FREM1: variants seen among roughly 807,000 people sequenced by gnomAD.
FREM1 encodes FRAS1 related extracellular matrix 1.
Under a neutral mutation model 210.1 loss-of-function variants are expected in FREM1, and 220 were observed. That is an observed-to-expected ratio of 1.05 (90% CI 0.94 to 1.17). FREM1 has a LOEUF of 1.17. FREM1 is among the 50% of genes most tolerant of loss of function. FREM1 has a pLI of 0.00. For missense variants in FREM1, 3,454 were observed against 2,675.5 expected (o/e 1.29, Z -6.42); for synonymous variants, 1,189 against 980.2 (o/e 1.21, Z -3.98).
rs1352400736 is a variant in FREM1, at chr9:14,816,810, T to G, written c.2608A>C (p.Thr870Pro). The G allele has an allele frequency of 2.8e-6, 4 of 1,440,314 alleles. No individual in the cohort carries two copies. Among genetic ancestry groups the G allele is most frequent in the Non-Finnish European group, 3.7e-6 (4 of 1,069,120 alleles). 89.2% of individuals were successfully genotyped at this position (1,440,314 alleles called of 1,614,324 possible). ...DDLLLEVTDGTNSAEFVLHVE... is the reference protein window; with the variant it reads ...DDLLLEVTDGPNSAEFVLHVE... ...TGTAGTACAAATTCTGCTGAATTTG[T>G]GCCATCGGTGACCTCCAAGAGTAGG... Residue 870 changes from threonine (T) to proline (P), a missense_variant, in exon 15 of 37, where the codon ACA becomes CCA. Transcript: ENST00000380880.
intron 25 of FREM1, among the ~76,000 whole-genome samples, chr9:14,771,212 A>T (rs1325048152): frequency 6.6e-6 from 1 of 152,208 alleles, no homozygotes; most frequent in African/African-American, 2.4e-5. Context: ...AGCAGACTTC[A>T]TGTTAACTCC....
intron 21 of FREM1, 117 bp downstream of exon 21, chr9:14,797,381 T>C (rs1852624433): frequency 1.4e-6 from 1 of 717,030 alleles, no homozygotes; most frequent in Admixed American, 3.6e-5. Flanking sequence ...GGGCAAGCTG[T>C]GACAGGAGCT....
intron 5 of FREM1, among the ~76,000 whole-genome samples, chr9:14,853,699 G>A (rs1215962815): frequency 6.6e-6 from 1 of 152,180 alleles, no homozygotes; most frequent in Admixed American, 6.5e-5. Flanking sequence ...GAATAGAGGA[G>A]AAGACAATCA....
intron 7 of FREM1, among the ~76,000 whole-genome samples, chr9:14,846,743 G>C (rs948334905): frequency 1.3e-5 from 2 of 152,138 alleles, no homozygotes; most frequent in Non-Finnish European, 2.9e-5. Context: ...TCCTGAAAGG[G>C]AGCAGAGCAA....
intron 1 of FREM1, among the ~76,000 whole-genome samples, chr9:14,894,640 T>C (rs1837391236): frequency 6.6e-6 from 1 of 152,208 alleles, no homozygotes; most frequent in Non-Finnish European, 1.5e-5. Flanking sequence ...GTGCTAATCC[T>C]TTGTTTTGTT....
chr9:14,860,828 T>C (rs1201889191), intron 3 of FREM1, among the ~76,000 whole-genome samples: 2 of 124,020 alleles, frequency 1.6e-5, no homozygotes, highest in Non-Finnish European at 3.2e-5. Flanking sequence ...CATATATACA[T>C]ATATACGTAT....
At chr9:14,767,247 A>G (rs1030059551) in intron 27 of FREM1, among the ~76,000 whole-genome samples, 3 of 152,198 alleles carry the variant, frequency 2.0e-5, no homozygotes, top group Non-Finnish European at 2.9e-5. Flanking sequence ...TATAATGTAC[A>G]TGTTAAAAAA....
At chr9:14,799,910 T>C (rs1375671750) in intron 20 of FREM1, among the ~76,000 whole-genome samples, 1 of 151,680 alleles carries the variant, frequency 6.6e-6, no homozygotes, top group Admixed American at 6.6e-5. Flanking sequence ...ACTCATCATT[T>C]CGCACTAGAT....
chr9:14,747,474 C>G, intron 32 of FREM1, 46 bp from the exon 33 acceptor site: 4 of 1,550,952 alleles, frequency 2.6e-6, no homozygotes, highest in Non-Finnish European at 3.5e-6. Context: ...AAACAAACAT[C>G]AAGATAGCAA....
At chr9:14,828,648 G>T (rs1312208712) in intron 10 of FREM1, among the ~76,000 whole-genome samples, 10 of 127,842 alleles carry the variant, frequency 7.8e-5, no homozygotes, top group African/African-American at 2.5e-4. Flanking sequence ...CGGGGCGGGG[G>T]AGGTGCCGGG....
At chr9:14,893,225 C>T (rs116137748) in intron 1 of FREM1, among the ~76,000 whole-genome samples, 5,259 of 152,240 alleles carry the variant, frequency 0.035, 328 homozygotes, top group African/African-American at 0.12. Context: ...TTTATCTCCT[C>T]TGTAAAGTTT....
chr9:14,822,193 A>G (rs924673351), intron 13 of FREM1, among the ~76,000 whole-genome samples: 29 of 151,824 alleles, frequency 1.9e-4, no homozygotes, highest in African/African-American at 6.3e-4. Flanking sequence ...GAAACTGTGA[A>G]TTCATTAAAC....
rs1307657302 is a variant in FREM1, at chr9:14,828,436, T to C, written c.1882-3444A>G. ...GAAGCATATAACTTGTTTGATTTTA[T>C]TGTGCTCACAGCTCGAGGGGAAATT... On this transcript the variant is annotated intron_variant, in intron 10 of 36. Coordinates refer to ENST00000380880, the MANE Select transcript of FREM1 (RefSeq NM_001379081.2). Among the ~76,000 whole-genome samples, 4 of 152,298 alleles carry C rather than the reference T, an allele frequency of 2.6e-5. No homozygotes were observed. In the East Asian group the frequency reaches 5.8e-4, roughly 22 times the overall value.
intron 2 of FREM1, among the ~76,000 whole-genome samples, chr9:14,865,144 G>A (rs573554896): frequency 6.6e-6 from 1 of 152,182 alleles, no homozygotes; most frequent in East Asian, 1.9e-4. Context: ...TAATTAAATT[G>A]TCACACATTC....
At position 14,805,062 on chromosome 9, in the gene FREM1, G is replaced by A. The variant is rs201445789; in HGVS notation, c.3365C>T (p.Thr1122Met). ...ATGCTTCCCATCTGTGACGTACACCGTGAACTGGTCGGCAGTTGGTTCTAT... is the reference window on the plus strand; with the variant it reads ...ATGCTTCCCATCTGTGACGTACACCATGAACTGGTCGGCAGTTGGTTCTAT... ...LRIEPTADQF[T>M]VYVTDGKHHS... The change falls in exon 19 of 37, where the codon ACG (threonine) becomes ATG (methionine). Residue 1122 changes from threonine (T) to methionine (M), a missense_variant. Physicochemically the swap from Thr to Met is moderately conservative, Grantham distance 81. Coordinates refer to ENST00000380880, the MANE Select transcript of FREM1 (RefSeq NM_001379081.2). 109 of 1,612,558 alleles carry A rather than the reference G, an allele frequency of 6.8e-5. No homozygotes were observed. In the East Asian group the frequency reaches 1.8e-3, roughly 27 times the overall value.
chr9:14,791,739 T>G (rs1308875356), intron 22 of FREM1, among the ~76,000 whole-genome samples: 1 of 152,158 alleles, frequency 6.6e-6, no homozygotes, highest in East Asian at 1.9e-4. Flanking sequence ...GCGACAAAGA[T>G]GAGAATTGGA....
At chr9:14,907,942 A>G (rs1432375653) in intron 1 of FREM1, among the ~76,000 whole-genome samples, 1 of 152,148 alleles carries the variant, frequency 6.6e-6, no homozygotes, top group African/African-American at 2.4e-5. Flanking sequence ...AGCAACAACT[A>G]AGATTTGAAA....
chr9:14,812,500 C>A (rs888527358), intron 16 of FREM1, among the ~76,000 whole-genome samples: 1 of 152,118 alleles, frequency 6.6e-6, no homozygotes, highest in Non-Finnish European at 1.5e-5. Flanking sequence ...ATAGACCCAC[C>A]AACTACGATG....
intron 1 of FREM1, among the ~76,000 whole-genome samples, chr9:14,886,308 C>A (rs182908651): frequency 1.4e-5 from 2 of 148,146 alleles, no homozygotes; most frequent in East Asian, 2.0e-4. Flanking sequence ...ATCGCTTGAA[C>A]CCTGGAGGCG....
Sources: allele counts gnomAD v4.1 joint callset (sites outside exome capture counted in the v4.1 genomes callset), GRCh38; gene constraint gnomAD v4.1.1; transcripts MANE v1.5; gene names NCBI Gene and HGNC (gene_info 2026-07-23, HGNC 2026-07-21).